Variants in MYO1H observed in about 807,000 individuals in gnomAD.
The protein encoded by MYO1H is unconventional myosin-Ih.
A neutral mutation model predicts 149.3 loss-of-function variants in MYO1H; 118 were observed. The observed-to-expected ratio is 0.79, with a 90% CI of 0.68 to 0.92. MYO1H has a LOEUF of 0.92. Among genes scored for constraint, MYO1H ranks in the 40% least tolerant of loss-of-function variants. The pLI is 0.00. For missense variants in MYO1H, 1,212 were observed against 1,280.7 expected, an observed-to-expected ratio of 0.95 and a Z score of 0.82; for synonymous variants, 447 against 465.2, an observed-to-expected ratio of 0.96 and a Z score of 0.50.
At chr12:109,362,191 G>A (rs935825773) in intron 1 of MYO1H, among the ~76,000 whole-genome samples, 4 of 152,158 alleles carry the variant, frequency 2.6e-5, no homozygotes, top group East Asian at 3.8e-4. Context: ...ACAATTGTTG[G>A]GTAACATAAA....
intron 1 of MYO1H, among the ~76,000 whole-genome samples, chr12:109,379,784 G>C (rs890876144): frequency 1.5e-5 from 2 of 135,468 alleles, no homozygotes; most frequent in African/African-American, 5.6e-5. Flanking sequence ...CCAGGCTGGA[G>C]TGCAGTGGAG....
At chr12:109,356,398 TTG>T (rs1491189275) in intron 1 of MYO1H, among the ~76,000 whole-genome samples, 2 of 151,938 alleles carry the variant, frequency 1.3e-5, no homozygotes, top group Non-Finnish European at 2.9e-5. Context: ...TGTTTTTTTT[TTG>T]TTTTTTTACA....
chr12:109,378,209 A>G (rs1869125126), intron 1 of MYO1H, among the ~76,000 whole-genome samples: 2 of 152,330 alleles, frequency 1.3e-5, no homozygotes, highest in South Asian at 2.1e-4. Context: ...GTAGATACCT[A>G]AGAGTGGAAC....
chr12:109,401,235 TCGAGCGAGACCCC>T lies in MYO1H; in HGVS notation c.715_727del (p.Glu239SerfsTer77), dbSNP rs1476484117. 25 of 1,613,482 alleles carry T rather than the reference TCGAGCGAGACCCC, an allele frequency of 1.5e-5. No individual in the cohort carries two copies. In the African/African-American group the frequency reaches 2.7e-4, roughly 17 times the overall value. On this transcript the variant is annotated frameshift_variant, in exon 6 of 32. Transcript: ENST00000310903. LOFTEE classifies it high-confidence loss of function. ...GAGGAGCGCCTGTCTTACCTGGGACTCGAGCGAGACCCCCAGCTGTATAAATACCTCTCACAGG... is the reference window on the plus strand; with the variant it reads ...GAGGAGCGCCTGTCTTACCTGGGACTCAGCTGTATAAATACCTCTCACAGG...
At chr12:109,423,210 G>A (rs745944543) in intron 16 of MYO1H, among the ~76,000 whole-genome samples, 4 of 152,048 alleles carry the variant, frequency 2.6e-5, no homozygotes, top group Non-Finnish European at 5.9e-5. Context: ...CCAGGCTAGA[G>A]TACAGTGGCA....
the MYO1H span, among the ~76,000 whole-genome samples, chr12:109,340,667 T>C: frequency 6.6e-6 from 1 of 152,138 alleles, no homozygotes; most frequent in Admixed American, 6.6e-5. Flanking sequence ...GGAGAAGTAG[T>C]AATGGATTAG....
At chr12:109,384,879 T>C (rs1592785270) in intron 1 of MYO1H, among the ~76,000 whole-genome samples, 1 of 152,182 alleles carries the variant, frequency 6.6e-6, no homozygotes, top group East Asian at 1.9e-4. Context: ...TGGGTGCAGC[T>C]CCAGACATTA....
chr12:109,396,800 T>G (rs1869927337), intron 4 of MYO1H, among the ~76,000 whole-genome samples: 1 of 149,332 alleles, frequency 6.7e-6, no homozygotes, highest in African/African-American at 2.5e-5. Context: ...ACATTTGGTT[T>G]TTGTTTTGGT....
At chr12:109,363,432 G>A (rs779566528) in intron 1 of MYO1H, among the ~76,000 whole-genome samples, 1 of 152,164 alleles carries the variant, frequency 6.6e-6, no homozygotes, top group Non-Finnish European at 1.5e-5. Context: ...AGGGAGCGTC[G>A]GCCGGGCGCG....
intron 10 of MYO1H, 81 bp downstream of exon 10, chr12:109,407,994 A>G: frequency 6.3e-7 from 1 of 1,588,416 alleles, no homozygotes; most frequent in Non-Finnish European, 8.6e-7. Context: ...AGAATTTGGG[A>G]GGGAGAATGA....
At chr12:109,353,882 C>T (rs963514634) in intron 1 of MYO1H, among the ~76,000 whole-genome samples, 1 of 152,146 alleles carries the variant, frequency 6.6e-6, no homozygotes, top group Non-Finnish European at 1.5e-5. Context: ...TCTCAAAACT[C>T]CTGACCTCAG....
At chr12:109,412,953 T>TTTGTTGTTG (rs79763914) in intron 14 of MYO1H, among the ~76,000 whole-genome samples, 3,178 of 147,052 alleles carry the variant, frequency 0.022, 83 homozygotes, top group African/African-American at 0.055. Context: ...GCCCGGCTAA[T>TTTGTTGTTG]TTGTTGTTGT....
At chr12:109,393,511 C>G in intron 3 of MYO1H, 65 bp downstream of exon 3, 1 of 689,046 alleles carries the variant, frequency 1.5e-6, no homozygotes, top group Non-Finnish European at 2.1e-6. Context: ...CTCTCTCCTT[C>G]CTTCTCACCA....
At chr12:109,438,102 A>AG (rs1314526086) in intron 22 of MYO1H, among the ~76,000 whole-genome samples, 1 of 151,540 alleles carries the variant, frequency 6.6e-6, no homozygotes, top group Non-Finnish European at 1.5e-5. Flanking sequence ...AAAAAAAAAA[A>AG]AAAAATTGGG....
chr12:109,399,100 A>C (rs73192587), intron 5 of MYO1H, among the ~76,000 whole-genome samples: 23,296 of 152,254 alleles, frequency 0.15, 2,232 homozygotes, highest in African/African-American at 0.26. Context: ...CAAACTGGCT[A>C]AAGGATTTCC....
chr12:109,426,700 C>T (rs1871363703), intron 18 of MYO1H, among the ~76,000 whole-genome samples: 1 of 152,098 alleles, frequency 6.6e-6, no homozygotes, highest in South Asian at 2.1e-4. Flanking sequence ...TGATCTATGA[C>T]TTGGGTAGTT....
intron 1 of MYO1H, among the ~76,000 whole-genome samples, chr12:109,387,039 TGTA>T (rs1330710399): frequency 2.2e-5 from 3 of 136,864 alleles, no homozygotes; most frequent in Non-Finnish European, 4.7e-5. Flanking sequence ...TGTGTGTGTG[TGTA>T]GTGTAGTGTA....
intron 1 of MYO1H, among the ~76,000 whole-genome samples, chr12:109,386,733 A>G (rs577946711): frequency 1.3e-5 from 2 of 152,270 alleles, no homozygotes; most frequent in Admixed American, 1.3e-4. Flanking sequence ...TTCTGGATAC[A>G]AATTCTTTGC....
the MYO1H span, among the ~76,000 whole-genome samples, chr12:109,317,535 C>T: frequency 1.3e-5 from 2 of 152,260 alleles, no homozygotes; most frequent in African/African-American, 2.4e-5. Context: ...TTCAGGGCTT[C>T]TCAAGAAACC....
Sources: gnomAD v4.1 joint callset for allele counts (sites outside exome capture counted in the v4.1 genomes callset) on GRCh38, gnomAD v4.1.1 for gene constraint, MANE v1.5 for transcripts, NCBI Gene and HGNC (gene_info 2026-07-23, HGNC 2026-07-21) for gene names.